CASKIN2: variants seen among roughly 807,000 people sequenced by gnomAD.
The protein encoded by CASKIN2 is caskin-2.
A neutral mutation model predicts 107.1 loss-of-function variants in CASKIN2; 41 were observed. That is an observed-to-expected ratio of 0.38 (90% CI 0.30 to 0.50). CASKIN2 has a LOEUF of 0.50. Ranked by LOEUF, CASKIN2 falls within the 20% of genes least tolerant of loss-of-function variation. CASKIN2 has a pLI of 0.92. For synonymous variants in CASKIN2, 724 were observed against 705.6 expected (o/e 1.03, Z -0.41); for missense variants, 1,546 against 1,657.4 (o/e 0.93, Z 1.17).
rs756146931 is a variant in CASKIN2 at position 75,503,649 on chromosome 17, G to A, written c.1680+10C>T. ...CGTGCCCCACTCCCCAGCCACCCTT[G>A]ATGGCTCACTGGGATGTAGCTGGGC... On this transcript the variant is annotated intron_variant, in intron 16 of 19. Transcript: ENST00000321617. 3 of 1,610,904 alleles carry A rather than the reference G, an allele frequency of 1.9e-6. No individual in the cohort carries two copies. Among genetic ancestry groups the A allele is most frequent in the Non-Finnish European group, 2.5e-6 (3 of 1,179,908 alleles).
chr17:75,502,683 C>T lies in CASKIN2; in HGVS notation c.2391G>A (p.Arg797=). The change falls in exon 18 of 20, where the codon CGG becomes CGA. Residue 797 remains arginine (R), a synonymous_variant. Coordinates refer to ENST00000321617, the MANE Select transcript of CASKIN2 (RefSeq NM_020753.5). The surrounding 1 kb of genome is among the most constrained non-coding windows in gnomAD (Gnocchi z 4.3). The stretch of plus-strand genomic sequence containing the variant: ...GGCCAGGGCGGCTTAGGCTGTGGGA[C>T]CGGCGCTTAGGTCGAGGCGGGTCTG... ...TPPDPPRPKR[R]SHSLSRPGPT... The T allele has an allele frequency of 1.9e-6, 3 of 1,601,026 alleles. No individual in the cohort carries two copies. Among genetic ancestry groups the T allele is most frequent in the South Asian group, 1.1e-5 (1 of 89,672 alleles).
At position 75,501,461 on chromosome 17, in the gene CASKIN2, C is replaced by T. The variant is rs753089701; in HGVS notation, c.3518+7G>A. 1.9e-6 allele frequency: 3 copies of T among 1,603,166 alleles called. No homozygotes were observed. Among genetic ancestry groups the T allele is most frequent in the South Asian group, 2.2e-5 (2 of 90,744 alleles). ...CCTTCTCTCCCTCCCCATCCGGCCCCCCTCACCCCTCTTGCTCCTTGGTGC... is the reference window on the plus strand; with the variant it reads ...CCTTCTCTCCCTCCCCATCCGGCCCTCCTCACCCCTCTTGCTCCTTGGTGC... On this transcript the variant is annotated splice_region_variant and intron_variant, in intron 19 of 19. Transcript: ENST00000321617.
intron 2 of CASKIN2, among the ~76,000 whole-genome samples, chr17:75,511,847 C>G (rs2053318615): frequency 6.6e-6 from 1 of 152,254 alleles, no homozygotes; most frequent in Non-Finnish European, 1.5e-5. Context: ...ACCCCTCCCG[C>G]CTGCCCTCCT....
rs527438615 is a variant in CASKIN2, at chr17:75,502,621, G to A, written c.2453C>T (p.Pro818Leu). 6.9e-6 allele frequency: 11 copies of A among 1,604,904 alleles called. No individual in the cohort carries two copies. In the East Asian group the frequency reaches 1.8e-4, roughly 26 times the overall value. ...EGDAEGEAEG[P>L]VGSTLGSYAT... Reference sequence around the variant, plus strand: ...ATAACTGCCTAGGGTGCTGCCCACTGGCCCTTCGGCCTCCCCCTCAGCATC... The same window carrying A: ...ATAACTGCCTAGGGTGCTGCCCACTAGCCCTTCGGCCTCCCCCTCAGCATC... The change falls in exon 18 of 20, where the codon CCA becomes CTA. Residue 818 changes from proline to leucine, a missense_variant. Coordinates refer to ENST00000321617, the MANE Select transcript of CASKIN2 (RefSeq NM_020753.5). This position sits in a 1 kb window ranked among gnomAD's most constrained non-coding sequence, Gnocchi z 4.3.
chr17:75,501,377 C>A, intron 19 of CASKIN2, 91 bp downstream of exon 19: 1 of 1,412,564 alleles, frequency 7.1e-7, no homozygotes, highest in Non-Finnish European at 9.8e-7. Context: ...TGCAATGTCC[C>A]CCTCCAACAT....
Position 75,502,369 on chromosome 17 carries a change from G to C in CASKIN2, c.2705C>G (p.Pro902Arg). The change falls in exon 18 of 20, where the codon CCC (proline) becomes CGC (arginine). Residue 902 changes from proline to arginine, a missense_variant. Physicochemically the swap from Pro to Arg is moderately radical, Grantham distance 103. Coordinates refer to ENST00000321617, the MANE Select transcript of CASKIN2 (RefSeq NM_020753.5). This position sits in a 1 kb window ranked among gnomAD's most constrained non-coding sequence, Gnocchi z 4.3. ...AGGTTCACTCAGTGTTCGCCTTCGG[G>C]GCCCTGTGGCCCCTTCCTTGGGCCC... ...SPGPKEGATG[P>R]RRRTLSEPAG... 1 of 1,478,488 alleles carries C rather than the reference G, an allele frequency of 6.8e-7. No homozygotes were observed. The highest frequency in any genetic ancestry group is 1.4e-5 in the South Asian group (1 of 70,284). The allele number at this position is 1,478,488 out of a possible 1,614,324, so 91.6% of individuals were successfully genotyped here.
intron 2 of CASKIN2, chr17:75,509,700 G>T (rs750336849): frequency 1.0e-6 from 1 of 984,818 alleles, no homozygotes; most frequent in African/African-American, 1.7e-5. Flanking sequence ...CACTCTGGCT[G>T]TGTGACCCTG....
At position 75,502,418 on chromosome 17, in the gene CASKIN2, G is replaced by A; in HGVS notation, c.2656C>T (p.Pro886Ser). 6.9e-6 allele frequency: 10 copies of A among 1,456,642 alleles called. No individual in the cohort carries two copies. Among genetic ancestry groups the A allele is most frequent in the Non-Finnish European group, 8.2e-6 (9 of 1,103,642 alleles). The allele number at this position is 1,456,642 out of a possible 1,614,324, so 90.2% of individuals were successfully genotyped here. A position where few individuals can be genotyped will look rare whatever the true frequency, so the allele number is the denominator to read the frequency against. Residue 886 changes from proline to serine, a missense_variant, in exon 18 of 20, where the codon CCA becomes TCA. By Grantham distance (74) the Pro-to-Ser change is moderately conservative. Coordinates refer to ENST00000321617, the MANE Select transcript of CASKIN2 (RefSeq NM_020753.5). The surrounding 1 kb of genome is among the most constrained non-coding windows in gnomAD (Gnocchi z 4.3). Reference protein sequence around the residue: ...LSSVSGPSPEPPPLDESPGPK... With the variant: ...LSSVSGPSPESPPLDESPGPK... The stretch of plus-strand genomic sequence containing the variant: ...CCTGGGCTCTCATCTAGTGGAGGTG[G>A]CTCCGGGCTGGGGCCAGAGACGGAG...
chr17:75,506,015 A>G lies in CASKIN2; in HGVS notation c.727-86T>C. On this transcript the variant is annotated intron_variant, in intron 8 of 19. Coordinates refer to ENST00000321617, the MANE Select transcript of CASKIN2 (RefSeq NM_020753.5). The surrounding 1 kb of genome is among the most constrained non-coding windows in gnomAD (Gnocchi z 4.8). ...CTCAGCTACCCGGGACATAGGTACT[A>G]TTACCATTTTCCGATTTTACAGATG... 1.7e-6 allele frequency: 2 copies of G among 1,205,106 alleles called. No individual in the cohort carries two copies. The highest frequency in any genetic ancestry group is 2.4e-6 in the Non-Finnish European group (2 of 846,100). 74.7% of individuals were successfully genotyped at this position (1,205,106 alleles called of 1,614,324 possible). A position where few individuals can be genotyped will look rare whatever the true frequency, so the allele number is the denominator to read the frequency against.
chr17:75,501,357 C>T (rs1356230948), intron 19 of CASKIN2, 111 bp downstream of exon 19: 1 of 1,318,070 alleles, frequency 7.6e-7, no homozygotes, highest in East Asian at 2.3e-5. Flanking sequence ...CCTCTTATCC[C>T]GTTAGTGCCT....
At position 75,501,452 on chromosome 17, in the gene CASKIN2, A is replaced by T. The variant is rs370618258; in HGVS notation, c.3518+16T>A. 136 of 1,597,230 alleles carry T rather than the reference A, an allele frequency of 8.5e-5. No homozygotes were observed. Among genetic ancestry groups the T allele is most frequent in the Non-Finnish European group, 1.1e-4 (132 of 1,167,852 alleles). On this transcript the variant is annotated intron_variant, in intron 19 of 19. Coordinates refer to ENST00000321617, the MANE Select transcript of CASKIN2 (RefSeq NM_020753.5). ...TCTCTGCAGCCTTCTCTCCCTCCCC[A>T]TCCGGCCCCCCTCACCCCTCTTGCT...
chr17:75,504,694 C>T lies in CASKIN2; in HGVS notation c.1193-1G>A, dbSNP rs772969187. 35 of 1,590,700 alleles carry T rather than the reference C, an allele frequency of 2.2e-5. No homozygotes were observed. The highest frequency in any genetic ancestry group is 2.7e-5 in the Non-Finnish European group (32 of 1,165,852). On this transcript the variant is annotated splice_acceptor_variant, in intron 11 of 19. Transcript: ENST00000321617. LOFTEE classifies it high-confidence loss of function. ...CTGCCCACACTATTCCTGTCACCTG[C>T]TGTGGGGGGCAGAAGCCAAGGGGTC... is the stretch of plus-strand genomic sequence containing the variant.
chr17:75,505,417 T>C lies in CASKIN2; in HGVS notation c.930+140A>G. 2.6e-6 allele frequency: 2 copies of C among 771,358 alleles called. No homozygotes were observed. The highest frequency in any genetic ancestry group is 4.4e-6 in the Non-Finnish European group (2 of 454,142). The allele number at this position is 771,358 out of a possible 1,614,324, so 47.8% of individuals were successfully genotyped here. ...TGTAAAGAAGAAATGCTAACAGCACTGCCTTCCCTGGCTTTAAGAAGAATT... is the reference window on the plus strand; with the variant it reads ...TGTAAAGAAGAAATGCTAACAGCACCGCCTTCCCTGGCTTTAAGAAGAATT... On this transcript the variant is annotated intron_variant, in intron 10 of 19. Coordinates refer to ENST00000321617, the MANE Select transcript of CASKIN2 (RefSeq NM_020753.5). This position sits in a 1 kb window ranked among gnomAD's most constrained non-coding sequence, Gnocchi z 5.1.
chr17:75,514,260 T>C (rs1056787702), intron 1 of CASKIN2, 52 bp from the exon 2 acceptor site: 6 of 425,236 alleles, frequency 1.4e-5, no homozygotes, highest in African/African-American at 1.2e-4. Flanking sequence ...CCTGCAAGGG[T>C]CCCAGAAGTG....
At position 75,508,357 on chromosome 17, in the gene CASKIN2, TCA is replaced by T. The variant is rs2053287607; in HGVS notation, c.95-74_95-73del. 3 of 1,528,764 alleles carry T rather than the reference TCA, an allele frequency of 2.0e-6. No homozygotes were observed. The South Asian group carries it at 3.5e-5, about 18-fold the overall frequency. 94.7% of individuals were successfully genotyped at this position (1,528,764 alleles called of 1,614,324 possible). On this transcript the variant is annotated intron_variant, in intron 2 of 19. Transcript: ENST00000321617. Reference sequence around the variant, plus strand: ...CACTCAGCATCCCTCCCCCCACCTGTCACAGCCCGGCTGACCTCTTGGCGTGC... The same window carrying T: ...CACTCAGCATCCCTCCCCCCACCTGTCAGCCCGGCTGACCTCTTGGCGTGC...
rs756246991 is a variant in CASKIN2, at chr17:75,501,957, G to A, written c.3117C>T (p.Pro1039=). ...ESPPASSLPQ[P]EPSSLPAQGV... ...CTTGGGCTGGAAGGCTGCTGGGCTC[G>A]GGCTGGGGAAGGCTAGAAGCTGGAG... Residue 1039 remains proline (P), a synonymous_variant, in exon 18 of 20, where the codon CCC becomes CCT. Transcript: ENST00000321617. The A allele has an allele frequency of 5.6e-6, 9 of 1,606,970 alleles. No individual in the cohort carries two copies. The highest frequency in any genetic ancestry group is 2.2e-5 in the South Asian group (2 of 90,380).
chr17:75,505,450 G>C lies in CASKIN2; in HGVS notation c.930+107C>G. 1 of 961,830 alleles carries C rather than the reference G, an allele frequency of 1.0e-6. No homozygotes were observed. The highest frequency in any genetic ancestry group is 1.7e-6 in the Non-Finnish European group (1 of 605,554). The allele number at this position is 961,830 out of a possible 1,614,324, so 59.6% of individuals were successfully genotyped here. ...CTGGCTTTAAGAAGAATTAAATGAGGGTGCATATAGAGACCTCAGAGCAGA... is the reference window on the plus strand; with the variant it reads ...CTGGCTTTAAGAAGAATTAAATGAGCGTGCATATAGAGACCTCAGAGCAGA... On this transcript the variant is annotated intron_variant, in intron 10 of 19. Coordinates refer to ENST00000321617, the MANE Select transcript of CASKIN2 (RefSeq NM_020753.5). The surrounding 1 kb of genome is among the most constrained non-coding windows in gnomAD (Gnocchi z 5.1).
chr17:75,510,037 G>C, intron 2 of CASKIN2: 1 of 451,710 alleles, frequency 2.2e-6, no homozygotes, highest in Non-Finnish European at 2.9e-6. Flanking sequence ...GTTCCTGGCA[G>C]TGACTCCAGG....
At position 75,502,310 on chromosome 17, in the gene CASKIN2, G is replaced by A. The variant is rs754763576; in HGVS notation, c.2764C>T (p.Pro922Ser). The change falls in exon 18 of 20, where the codon CCG (proline) becomes TCG (serine). Residue 922 changes from proline (P) to serine (S), a missense_variant. Physicochemically the swap from Pro to Ser is moderately conservative, Grantham distance 74 (BLOSUM62 -1). Transcript: ENST00000321617. This position sits in a 1 kb window ranked among gnomAD's most constrained non-coding sequence, Gnocchi z 4.3. ...TCCGTGTCTGACGCGGGCCCAGCCGGGGCAGGTGGGCCAGGGGGCTCTGAG... is the reference window on the plus strand; with the variant it reads ...TCCGTGTCTGACGCGGGCCCAGCCGAGGCAGGTGGGCCAGGGGGCTCTGAG... ...GPSEPPGPPAPAGPASDTEEE... is the reference protein window; with the variant it reads ...GPSEPPGPPASAGPASDTEEE... The A allele has an allele frequency of 2.0e-6, 3 of 1,490,800 alleles. No homozygotes were observed. Among genetic ancestry groups the A allele is most frequent in the East Asian group, 2.3e-5 (1 of 42,750 alleles). 92.3% of individuals were successfully genotyped at this position (1,490,800 alleles called of 1,614,324 possible).
Sources: allele counts gnomAD v4.1 joint callset (sites outside exome capture counted in the v4.1 genomes callset), GRCh38; gene constraint gnomAD v4.1.1; non-coding constraint Gnocchi (gnomAD v3.1); transcripts MANE v1.5; gene names NCBI Gene and HGNC (gene_info 2026-07-23, HGNC 2026-07-21).